FAF1: variants seen among roughly 807,000 people sequenced by gnomAD.
The protein encoded by FAF1 is FAS-associated factor 1.
Under a neutral mutation model 92.5 loss-of-function variants are expected in FAF1, and 25 were observed. The observed-to-expected ratio is 0.27, with a 90% CI of 0.20 to 0.38. The LOEUF (loss-of-function observed/expected upper bound fraction) is 0.38. FAF1 is among the 10% of genes least tolerant of loss of function. The pLI, the probability that FAF1 is intolerant of heterozygous loss-of-function variation, is 1.00. For missense variants in FAF1, 636 were observed against 793.3 expected, an observed-to-expected ratio of 0.80 and a Z score of 2.38; for synonymous variants, 234 against 273.2, an observed-to-expected ratio of 0.86 and a Z score of 1.42.
At chr1:50,525,994 A>G (rs2149032449) in intron 15 of FAF1, among the ~76,000 whole-genome samples, 1 of 152,330 alleles carries the variant, frequency 6.6e-6, no homozygotes, top group East Asian at 1.9e-4. Context: ...CTTTAGGAAA[A>G]TTTTTAAGAT....
chr1:50,860,187 C>T (rs1644421203), intron 1 of FAF1, among the ~76,000 whole-genome samples: 1 of 151,688 alleles, frequency 6.6e-6, no homozygotes, highest in African/African-American at 2.4e-5. Context: ...TTCTGGACAT[C>T]AATCTTGGCA....
At chr1:50,861,428 T>C (rs1644431744) in intron 1 of FAF1, among the ~76,000 whole-genome samples, 1 of 151,794 alleles carries the variant, frequency 6.6e-6, no homozygotes, top group Non-Finnish European at 1.5e-5. Context: ...TGGAGGCCAT[T>C]ATCCTTAGTG....
chr1:50,578,986 A>G (rs1244542014), intron 12 of FAF1, among the ~76,000 whole-genome samples: 2 of 152,180 alleles, frequency 1.3e-5, no homozygotes, highest in African/African-American at 2.4e-5. Flanking sequence ...AGACATTTTT[A>G]TCAGTCCAGA....
chr1:50,832,329 AC>A (rs905974657), intron 2 of FAF1, among the ~76,000 whole-genome samples: 36 of 152,286 alleles, frequency 2.4e-4, no homozygotes, highest in African/African-American at 7.9e-4. Context: ...AACAGTTGTT[AC>A]CACTGTCCAG....
At chr1:50,756,480 C>A (rs1297585988) in intron 4 of FAF1, among the ~76,000 whole-genome samples, 1 of 152,196 alleles carries the variant, frequency 6.6e-6, no homozygotes, top group East Asian at 1.9e-4. Flanking sequence ...AACTTTCCTG[C>A]ATTTTTCTGT....
At chr1:50,862,118 C>G (rs780458292) in intron 1 of FAF1, among the ~76,000 whole-genome samples, 1 of 150,110 alleles carries the variant, frequency 6.7e-6, no homozygotes, top group Non-Finnish European at 1.5e-5. Context: ...AAAAAAAACA[C>G]ATGGGAATGA....
At chr1:50,931,126 C>G (rs1444679525) in intron 1 of FAF1, among the ~76,000 whole-genome samples, 1 of 152,122 alleles carries the variant, frequency 6.6e-6, no homozygotes, top group Non-Finnish European at 1.5e-5. Flanking sequence ...ATGGTCTCTA[C>G]CTTTTGATTA....
intron 4 of FAF1, among the ~76,000 whole-genome samples, chr1:50,772,720 G>A (rs1295362209): frequency 1.3e-5 from 2 of 151,848 alleles, no homozygotes; most frequent in Non-Finnish European, 2.9e-5. Flanking sequence ...GTGGGAGGAG[G>A]GTGAAGATCA....
chr1:50,532,838 G>T (rs1053601309), intron 15 of FAF1, among the ~76,000 whole-genome samples: 2 of 151,970 alleles, frequency 1.3e-5, no homozygotes, highest in Non-Finnish European at 2.9e-5. Flanking sequence ...AAGAGACAGG[G>T]TCTCACTCTG....
intron 2 of FAF1, among the ~76,000 whole-genome samples, chr1:50,807,030 G>T (rs1030958811): frequency 6.6e-6 from 1 of 152,200 alleles, no homozygotes; most frequent in African/African-American, 2.4e-5. Flanking sequence ...CCAGTACTGG[G>T]TCTTAACCAG....
intron 12 of FAF1, among the ~76,000 whole-genome samples, chr1:50,572,211 C>T (rs1650477520): frequency 6.6e-6 from 1 of 152,128 alleles, no homozygotes; most frequent in Admixed American, 6.5e-5. Context: ...CCTAGATTTA[C>T]CAATCATTAG....
chr1:50,618,176 T>G (rs1189109479), intron 8 of FAF1, among the ~76,000 whole-genome samples: 2 of 152,150 alleles, frequency 1.3e-5, no homozygotes, highest in Non-Finnish European at 2.9e-5. Flanking sequence ...TTTGGTTCTT[T>G]TCTTCTGCTA....
At chr1:50,653,001 TA>T (rs1654935139) in intron 8 of FAF1, among the ~76,000 whole-genome samples, 1 of 152,220 alleles carries the variant, frequency 6.6e-6, no homozygotes, top group Admixed American at 6.5e-5. Flanking sequence ...CTTCTTCTAT[TA>T]ATATTACTAT....
At chr1:50,576,635 C>T (rs563667479) in intron 12 of FAF1, among the ~76,000 whole-genome samples, 6 of 54,844 alleles carry the variant, frequency 1.1e-4, no homozygotes, top group East Asian at 4.7e-4. Context: ...TCCGCACCGC[C>T]CCCCCCCCGC....
chr1:50,710,759 C>T lies in FAF1; in HGVS notation c.552-4868G>A, dbSNP rs142207006. On this transcript the variant is annotated intron_variant, in intron 6 of 18. Coordinates refer to ENST00000396153, the MANE Select transcript of FAF1 (RefSeq NM_007051.3). ...CTAGGACTACAGGTGTGTGCCACCA[C>T]GCCCGGCTAATTTTTTGTATTTTTA... Among the ~76,000 whole-genome samples, 1,495 of 151,814 alleles carry T rather than the reference C, an allele frequency of 9.8e-3. 23 individuals are homozygous for T. Among genetic ancestry groups the T allele is most frequent in the African/African-American group, 0.034 (1,416 of 41,366 alleles).
intron 15 of FAF1, among the ~76,000 whole-genome samples, chr1:50,526,039 T>C (rs1358363340): frequency 1.3e-5 from 2 of 152,238 alleles, no homozygotes; most frequent in Non-Finnish European, 2.9e-5. Flanking sequence ...AAACATAACA[T>C]TTAAATAATA....
chr1:50,951,635 T>C (rs1451265600), intron 1 of FAF1, among the ~76,000 whole-genome samples: 1 of 152,140 alleles, frequency 6.6e-6, no homozygotes, highest in Non-Finnish European at 1.5e-5. Context: ...AAAAACCTTA[T>C]TTTCCCAATG....
intron 2 of FAF1, among the ~76,000 whole-genome samples, chr1:50,833,747 T>G (rs1644176329): frequency 6.6e-6 from 1 of 151,966 alleles, no homozygotes; most frequent in East Asian, 1.9e-4. Flanking sequence ...CCCTTATGGC[T>G]CAGGAAATTC....
At chr1:50,465,488 C>T (rs12562938) in intron 18 of FAF1, among the ~76,000 whole-genome samples, 7,285 of 152,220 alleles carry the variant, frequency 0.048, 211 homozygotes, top group East Asian at 0.075. Flanking sequence ...ATTTACTGAG[C>T]GTCAGTTAGG....
Sources: allele counts gnomAD v4.1 joint callset (sites outside exome capture counted in the v4.1 genomes callset), GRCh38; gene constraint gnomAD v4.1.1; transcripts MANE v1.5; gene names NCBI Gene and HGNC (gene_info 2026-07-23, HGNC 2026-07-21).